Variants in CNGB3 observed in about 807,000 individuals in gnomAD.
CNGB3 encodes the protein cyclic nucleotide-gated channel beta-3.
CNGB3 carries 86 observed loss-of-function variants against 92.8 expected under a neutral mutation model. That is an observed-to-expected ratio of 0.93 (90% CI 0.78 to 1.11). The LOEUF (loss-of-function observed/expected upper bound fraction) is 1.11, where lower values mean the gene tolerates loss of function less well. CNGB3 is among the 50% of genes least tolerant of loss of function. The pLI, the probability that CNGB3 is intolerant of heterozygous loss-of-function variation, is 0.00. For synonymous variants in CNGB3, 333 were observed against 332.7 expected, an observed-to-expected ratio of 1.00 and a Z score of -0.01; for missense variants, 1,026 against 956.8, an observed-to-expected ratio of 1.07 and a Z score of -0.95.
rs540323669 is a variant in CNGB3 at position 86,738,635 on chromosome 8, C to G, written c.211+1020G>C. Among the ~76,000 whole-genome samples the G allele has an allele frequency of 2.5e-4, 38 of 152,024 alleles. No individual in the cohort carries two copies. The South Asian group carries it at 2.9e-3, about 12-fold the overall frequency. On this transcript the variant is annotated intron_variant, in intron 2 of 17. Coordinates refer to ENST00000320005, the MANE Select transcript of CNGB3 (RefSeq NM_019098.5). ...CGGGAGGATCACGAGGTCAGGAGAT[C>G]GAGACCATCCTGGCTAACACAGTGA...
In CNGB3 at chr8:86,600,670, C is replaced by T. The variant is rs543549287; in HGVS notation, c.1781+3423G>A. ...TGTCACCCAGGCTGGAGCGCAGTGG[C>T]GCGATCTCGGCTCACTGCAAGCTCT... is the stretch of plus-strand genomic sequence containing the variant. On this transcript the variant is annotated intron_variant, in intron 15 of 17. Coordinates refer to ENST00000320005, the MANE Select transcript of CNGB3 (RefSeq NM_019098.5). Among the ~76,000 whole-genome samples the T allele has an allele frequency of 9.4e-4, 140 of 148,186 alleles. 1 individual carries two copies. The highest frequency in any genetic ancestry group is 1.6e-3 in the Non-Finnish European group (106 of 67,478).
At chr8:86,716,684 A>C (rs193257691) in intron 3 of CNGB3, among the ~76,000 whole-genome samples, 2 of 152,352 alleles carry the variant, frequency 1.3e-5, no homozygotes, top group East Asian at 3.9e-4. Context: ...GGAATTTCCC[A>C]CTACCAAGCC....
chr8:86,586,208 T>C (rs898498107), intron 15 of CNGB3, among the ~76,000 whole-genome samples: 13 of 152,194 alleles, frequency 8.5e-5, no homozygotes, highest in East Asian at 3.8e-4. Context: ...ATAAAGATGA[T>C]TAACACCTGC....
chr8:86,735,144 C>CT (rs10689543), intron 2 of CNGB3, among the ~76,000 whole-genome samples: 1 of 81,270 alleles, frequency 1.2e-5, no homozygotes. Context: ...AAATGGTTGC[C>CT]TTTTTTTTTT....
chr8:86,697,297 C>T (rs960068623), intron 3 of CNGB3, among the ~76,000 whole-genome samples: 1 of 152,096 alleles, frequency 6.6e-6, no homozygotes, highest in Non-Finnish European at 1.5e-5. Context: ...ATTAACTATC[C>T]TATCTTATTT....
intron 14 of CNGB3, among the ~76,000 whole-genome samples, chr8:86,608,560 C>A (rs1822455714): frequency 6.6e-6 from 1 of 152,246 alleles, no homozygotes; most frequent in Admixed American, 6.5e-5. Context: ...ATCCGGAGGC[C>A]TAACCGTCTC....
intron 3 of CNGB3, among the ~76,000 whole-genome samples, chr8:86,700,648 T>G (rs1824537916): frequency 6.6e-6 from 1 of 152,188 alleles, no homozygotes; most frequent in African/African-American, 2.4e-5. Flanking sequence ...GTTTTATTTT[T>G]TATTTTTTGA....
At chr8:86,597,995 TA>T (rs1822209245) in intron 15 of CNGB3, among the ~76,000 whole-genome samples, 1 of 150,878 alleles carries the variant, frequency 6.6e-6, no homozygotes, top group Admixed American at 6.6e-5. Flanking sequence ...TAAAATAAAA[TA>T]AAATAAAATA....
intron 15 of CNGB3, among the ~76,000 whole-genome samples, chr8:86,592,521 T>G (rs1036399862): frequency 1.7e-4 from 26 of 152,204 alleles, no homozygotes; most frequent in African/African-American, 5.8e-4. Context: ...CTCAGTTGAG[T>G]AACTTGCCTG....
At chr8:86,688,062 A>G (rs1443794656) in intron 3 of CNGB3, among the ~76,000 whole-genome samples, 1 of 152,046 alleles carries the variant, frequency 6.6e-6, no homozygotes, top group Non-Finnish European at 1.5e-5. Context: ...CAAAAGGTGT[A>G]TGGGTTTAAG....
At chr8:86,590,873 C>G (rs1822015988) in intron 15 of CNGB3, among the ~76,000 whole-genome samples, 1 of 151,040 alleles carries the variant, frequency 6.6e-6, no homozygotes, top group Non-Finnish European at 1.5e-5. Context: ...TTTCCTGAAT[C>G]TGAATGTTGG....
At chr8:86,646,746 T>A (rs1823297385) in intron 8 of CNGB3, among the ~76,000 whole-genome samples, 1 of 151,150 alleles carries the variant, frequency 6.6e-6, no homozygotes, top group African/African-American at 2.4e-5. Flanking sequence ...AAGGTTGTTT[T>A]TGGAAATATA....
chr8:86,575,777 A>AT lies in CNGB3; in HGVS notation c.*26dup, dbSNP rs779201314. ...GGTACAATCACTTTGGGAACTAGCTATATCACATCTAAAGATAATCAAACA... is the reference window on the plus strand; with the variant it reads ...GGTACAATCACTTTGGGAACTAGCTATTATCACATCTAAAGATAATCAAACA... On this transcript the variant is annotated 3_prime_UTR_variant, in exon 18 of 18. Coordinates refer to ENST00000320005, the MANE Select transcript of CNGB3 (RefSeq NM_019098.5). The AT allele has an allele frequency of 6.3e-7, 1 of 1,586,452 alleles. No individual in the cohort carries two copies. The highest frequency in any genetic ancestry group is 8.7e-7 in the Non-Finnish European group (1 of 1,155,052).
At chr8:86,582,797 G>C in intron 15 of CNGB3, among the ~76,000 whole-genome samples, 1 of 152,188 alleles carries the variant, frequency 6.6e-6, no homozygotes, top group East Asian at 1.9e-4. Context: ...GGAATCAATT[G>C]CCAGTGGCCT....
At chr8:86,629,127 A>G (rs879783526) in intron 11 of CNGB3, 49 bp from the exon 12 acceptor site, 1 of 1,598,154 alleles carries the variant, frequency 6.3e-7, no homozygotes, top group Non-Finnish European at 8.6e-7. Context: ...GAAATGAGTT[A>G]ATAAAAGTCA....
intron 2 of CNGB3, among the ~76,000 whole-genome samples, chr8:86,737,655 G>A (rs1256480020): frequency 6.6e-6 from 1 of 152,048 alleles, no homozygotes; most frequent in Non-Finnish European, 1.5e-5. Flanking sequence ...TTTGTGTCAC[G>A]GGGGTTTGGT....
At chr8:86,578,642 T>A in intron 17 of CNGB3, 47 bp downstream of exon 17, 3 of 1,586,054 alleles carry the variant, frequency 1.9e-6, no homozygotes, top group Non-Finnish European at 2.6e-6. Flanking sequence ...ATATACTTAG[T>A]CTGGGGCCTT....
chr8:86,679,817 C>T lies in CNGB3; in HGVS notation c.339-8719G>A, dbSNP rs539335641. Among the ~76,000 whole-genome samples the T allele has an allele frequency of 1.2e-4, 18 of 152,126 alleles. No individual in the cohort carries two copies. In the South Asian group the frequency reaches 1.7e-3, roughly 14 times the overall value. ...TTGGGATTACAGGCATGAGCCACCG[C>T]GTCTGGCCAGGATTGGTGTCCTTAT... On this transcript the variant is annotated intron_variant, in intron 3 of 17. Coordinates refer to ENST00000320005, the MANE Select transcript of CNGB3 (RefSeq NM_019098.5).
At chr8:86,657,050 C>CA (rs1406519534) in intron 6 of CNGB3, among the ~76,000 whole-genome samples, 2 of 152,216 alleles carry the variant, frequency 1.3e-5, no homozygotes, top group Non-Finnish European at 2.9e-5. Context: ...TGTCCTGCCT[C>CA]AGCTGCCTCT....
Sources: gnomAD v4.1 joint callset for allele counts (sites outside exome capture counted in the v4.1 genomes callset) on GRCh38, gnomAD v4.1.1 for gene constraint, MANE v1.5 for transcripts, NCBI Gene and HGNC (gene_info 2026-07-23, HGNC 2026-07-21) for gene names.